The following KIAA0232 variants were observed in gnomAD, a reference collection of about 807,000 sequenced individuals.
KIAA0232 encodes uncharacterized protein KIAA0232.
Under a neutral mutation model 122.0 loss-of-function variants are expected in KIAA0232, and 27 were observed. The observed-to-expected ratio is 0.22, with a 90% CI of 0.16 to 0.31. KIAA0232 has a LOEUF of 0.31. KIAA0232 is among the 10% of genes least tolerant of loss of function. The probability of loss-of-function intolerance (pLI) is 1.00; values close to 1 mark genes in which losing one functional copy is unlikely to be tolerated. For synonymous variants in KIAA0232, 613 were observed against 587.6 expected (o/e 1.04, Z -0.63); for missense variants, 1,551 against 1,634.2 (o/e 0.95, Z 0.88).
At chr4:6,810,592 A>T (rs1717834323) in intron 2 of KIAA0232, among the ~76,000 whole-genome samples, 1 of 152,208 alleles carries the variant, frequency 6.6e-6, no homozygotes, top group South Asian at 2.1e-4. Flanking sequence ...CCTTATCGAA[A>T]CCAAAAAGCT....
chr4:6,867,424 G>A (rs532721627), intron 7 of KIAA0232, among the ~76,000 whole-genome samples: 16 of 152,342 alleles, frequency 1.1e-4, no homozygotes, highest in African/African-American at 1.9e-4. Context: ...GGGATCTCAC[G>A]GTCTCTGGAG....
rs1720504991 is a variant in KIAA0232 at position 6,855,163 on chromosome 4, C to A, written c.370-2001C>A. On this transcript the variant is annotated intron_variant, in intron 4 of 9. Coordinates refer to ENST00000307659, the MANE Select transcript of KIAA0232 (RefSeq NM_014743.3). The surrounding 1 kb of genome is among the most constrained non-coding windows in gnomAD (Gnocchi z 4.3). ...GCAATGACGCGATCTCAGCTCACTG[C>A]AACCTCCACCTCCTGGGTTCAAGCA... Among the ~76,000 whole-genome samples the A allele has an allele frequency of 1.3e-5, 2 of 152,016 alleles. No individual in the cohort carries two copies. Among genetic ancestry groups the A allele is most frequent in the African/African-American group, 4.8e-5 (2 of 41,346 alleles).
chr4:6,857,312 C>A, intron 5 of KIAA0232, 82 bp downstream of exon 5: 3 of 1,252,838 alleles, frequency 2.4e-6, no homozygotes, highest in Non-Finnish European at 3.4e-6. Context: ...TAGAATTGAT[C>A]AGAAAAGAAA....
At position 6,837,150 on chromosome 4, in the gene KIAA0232, G is replaced by T. The variant is rs576170250; in HGVS notation, c.232-4917G>T. On this transcript the variant is annotated intron_variant, in intron 3 of 9. Transcript: ENST00000307659. ...GGGCGGGGGCTGCCCCCCACCTCCCGAACGGGCCGGCTGGCGGGGCGGAGG... is the reference window on the plus strand; with the variant it reads ...GGGCGGGGGCTGCCCCCCACCTCCCTAACGGGCCGGCTGGCGGGGCGGAGG... Among the ~76,000 whole-genome samples the T allele has an allele frequency of 2.5e-3, 372 of 151,418 alleles. 1 individual carries two copies. Among genetic ancestry groups the T allele is most frequent in the African/African-American group, 8.9e-3 (368 of 41,234 alleles).
At chr4:6,851,028 A>C (rs1304287959) in intron 4 of KIAA0232, among the ~76,000 whole-genome samples, 1 of 152,202 alleles carries the variant, frequency 6.6e-6, no homozygotes, top group Non-Finnish European at 1.5e-5. Context: ...TCTTGCATGT[A>C]TACTTAGGCA....
At chr4:6,822,945 C>T (rs994813420) in intron 2 of KIAA0232, among the ~76,000 whole-genome samples, 14 of 123,900 alleles carry the variant, frequency 1.1e-4, no homozygotes, top group Non-Finnish European at 2.3e-4. Flanking sequence ...CACACCACAA[C>T]AGTCCCCAGA....
chr4:6,882,970 C>T lies in KIAA0232; in HGVS notation c.*2004C>T, dbSNP rs1560219855. On this transcript the variant is annotated 3_prime_UTR_variant, in exon 10 of 10. Coordinates refer to ENST00000307659, the MANE Select transcript of KIAA0232 (RefSeq NM_014743.3). Reference sequence around the variant, plus strand: ...GGGCTCCAGGTGGCAAAGGTGCACACTTCCTCAGACACAGGTGAGAAGATG... The same window carrying T: ...GGGCTCCAGGTGGCAAAGGTGCACATTTCCTCAGACACAGGTGAGAAGATG... The T allele has an allele frequency of 6.6e-6, 1 of 152,428 alleles. No homozygotes were observed. Among genetic ancestry groups the T allele is most frequent in the African/African-American group, 2.4e-5 (1 of 41,462 alleles). 9.4% of individuals were successfully genotyped at this position (152,428 alleles called of 1,614,324 possible).
intron 3 of KIAA0232, among the ~76,000 whole-genome samples, chr4:6,831,904 G>C (rs1200541650): frequency 6.6e-6 from 1 of 152,150 alleles, no homozygotes; most frequent in East Asian, 1.9e-4. Context: ...CCGGACCTAG[G>C]TCAGCATATT....
At chr4:6,859,354 A>G (rs1219870988) in intron 6 of KIAA0232, among the ~76,000 whole-genome samples, 2 of 152,128 alleles carry the variant, frequency 1.3e-5, no homozygotes, top group East Asian at 1.9e-4. Flanking sequence ...AAAAAATAGC[A>G]TTTCCTTGGT....
At chr4:6,867,315 A>G (rs1721237879) in intron 7 of KIAA0232, among the ~76,000 whole-genome samples, 1 of 152,188 alleles carries the variant, frequency 6.6e-6, no homozygotes, top group African/African-American at 2.4e-5. Flanking sequence ...GAGTGTCCAG[A>G]GTAGAAGGAC....
intron 6 of KIAA0232, among the ~76,000 whole-genome samples, chr4:6,859,549 A>G (rs1720749934): frequency 6.6e-6 from 1 of 152,260 alleles, no homozygotes; most frequent in African/African-American, 2.4e-5. Context: ...TGTTGAAATG[A>G]TAATATCAGG....
At chr4:6,785,393 C>T (rs1716573322) in intron 1 of KIAA0232, among the ~76,000 whole-genome samples, 1 of 152,136 alleles carries the variant, frequency 6.6e-6, no homozygotes, top group African/African-American at 2.4e-5. Context: ...GCGCTTTGTC[C>T]TTGTTTTTGT....
intron 1 of KIAA0232, among the ~76,000 whole-genome samples, chr4:6,791,280 CCAAAA>C (rs999259241): frequency 2.0e-5 from 3 of 147,808 alleles, no homozygotes; most frequent in African/African-American, 7.5e-5. Flanking sequence ...GTATGATTTG[CCAAAA>C]CATTGGAATA....
At chr4:6,857,104 CA>C in intron 4 of KIAA0232, 59 bp from the exon 5 acceptor site, 1 of 1,280,374 alleles carries the variant, frequency 7.8e-7, no homozygotes, top group South Asian at 1.6e-5. Context: ...CAAAAGTATA[CA>C]AATACCTGAT....
rs561967537 is a variant in KIAA0232 at position 6,855,201 on chromosome 4, C to T, written c.370-1963C>T. 6.6e-6 allele frequency among the ~76,000 whole-genome samples: 1 copy of T among 152,210 alleles called. No homozygotes were observed. The highest frequency in any genetic ancestry group is 1.5e-5 in the Non-Finnish European group (1 of 68,012). ...CTGGGTTCAAGCAGTTCTCCTGCCT[C>T]AGCCTCCCAAGTAGCTAAGATTACA... On this transcript the variant is annotated intron_variant, in intron 4 of 9. Coordinates refer to ENST00000307659, the MANE Select transcript of KIAA0232 (RefSeq NM_014743.3). The surrounding 1 kb of genome is among the most constrained non-coding windows in gnomAD (Gnocchi z 4.3).
chr4:6,807,990 C>T (rs1382781779), intron 2 of KIAA0232, among the ~76,000 whole-genome samples: 1 of 152,182 alleles, frequency 6.6e-6, no homozygotes, highest in Admixed American at 6.5e-5. Context: ...ATCCCTTGAA[C>T]CTGGGAGGCA....
At chr4:6,804,979 T>C (rs1469178024) in intron 2 of KIAA0232, among the ~76,000 whole-genome samples, 1 of 149,010 alleles carries the variant, frequency 6.7e-6, no homozygotes, top group African/African-American at 2.5e-5. Context: ...CGGGTGCATA[T>C]TAGCCTATTA....
At chr4:6,784,559 C>A (rs1716528015) in intron 1 of KIAA0232, among the ~76,000 whole-genome samples, 1 of 152,210 alleles carries the variant, frequency 6.6e-6, no homozygotes, top group Non-Finnish European at 1.5e-5. Flanking sequence ...TTCCTTATGA[C>A]AGAACCTATT....
Position 6,863,224 on chromosome 4 carries a change from G to T in KIAA0232, c.2842G>T (p.Val948Phe). ...CTTCAATAGTGATGGGGAGTGGGCA[G>T]TCGTACCACCTAGTCACACAAAAGG... The part of the protein sequence containing the change: ...KTFNSDGEWA[V>F]VPPSHTKGSL... Residue 948 changes from valine (V) to phenylalanine (F), a missense_variant, in exon 7 of 10, where the codon GTC (valine) becomes TTC (phenylalanine). Coordinates refer to ENST00000307659, the MANE Select transcript of KIAA0232 (RefSeq NM_014743.3). 1 of 1,613,950 alleles carries T rather than the reference G, an allele frequency of 6.2e-7. No homozygotes were observed. Among genetic ancestry groups the T allele is most frequent in the Non-Finnish European group, 8.5e-7 (1 of 1,180,036 alleles).
Sources: gnomAD v4.1 joint callset for allele counts (sites outside exome capture counted in the v4.1 genomes callset) on GRCh38, gnomAD v4.1.1 for gene constraint, Gnocchi (gnomAD v3.1) non-coding constraint, MANE v1.5 for transcripts, NCBI Gene and HGNC (gene_info 2026-07-23, HGNC 2026-07-21) for gene names.